The following EGFR variants were observed in gnomAD, a reference collection of about 807,000 sequenced individuals.
EGFR encodes the protein avian erythroblastic leukemia viral (v-erb-b) oncogene homolog.
Under a neutral mutation model 143.0 loss-of-function variants are expected in EGFR, and 58 were observed. The observed-to-expected ratio is 0.41, with a 90% CI of 0.33 to 0.50. The LOEUF (loss-of-function observed/expected upper bound fraction) is 0.50. EGFR is among the 20% of genes least tolerant of loss of function. The pLI, the probability that EGFR is intolerant of heterozygous loss-of-function variation, is 0.39. For synonymous variants in EGFR, 613 were observed against 594.4 expected (o/e 1.03, Z -0.45); for missense variants, 1,307 against 1,579.0 (o/e 0.83, Z 2.92).
chr7:55,031,171 C>G (rs1475346124), intron 1 of EGFR, among the ~76,000 whole-genome samples: 3 of 152,156 alleles, frequency 2.0e-5, no homozygotes, highest in African/African-American at 7.2e-5. Flanking sequence ...CTAGGTGCTG[C>G]AGGTTTAGAG....
intron 5 of EGFR, 118 bp from the exon 6 acceptor site, chr7:55,152,428 T>A: frequency 1.1e-6 from 1 of 939,420 alleles, no homozygotes; most frequent in South Asian, 1.3e-5. Context: ...TGTGGTTTCG[T>A]TGGAAGCAAA....
chr7:55,099,575 A>G (rs1402252295), intron 1 of EGFR, among the ~76,000 whole-genome samples: 1 of 152,194 alleles, frequency 6.6e-6, no homozygotes, highest in Non-Finnish European at 1.5e-5. Flanking sequence ...CAGCCTTGAG[A>G]GGTGCAGAAG....
At chr7:55,135,187 A>G (rs1027776408) in intron 1 of EGFR, among the ~76,000 whole-genome samples, 1 of 152,114 alleles carries the variant, frequency 6.6e-6, no homozygotes, top group Admixed American at 6.5e-5. Context: ...TTTAATGGCT[A>G]GAAGGAGAAT....
intron 1 of EGFR, among the ~76,000 whole-genome samples, chr7:55,081,225 A>T (rs1328231991): frequency 6.6e-6 from 1 of 152,206 alleles, no homozygotes; most frequent in Non-Finnish European, 1.5e-5. Flanking sequence ...TAACAGGGCA[A>T]TTATCAATCA....
intron 1 of EGFR, among the ~76,000 whole-genome samples, chr7:55,060,161 G>A (rs1052460320): frequency 6.6e-6 from 1 of 152,218 alleles, no homozygotes. Flanking sequence ...TGCATTTTCT[G>A]ACCTTTCCCA....
At chr7:55,175,786 C>T (rs1786567072) in intron 19 of EGFR, among the ~76,000 whole-genome samples, 1 of 152,196 alleles carries the variant, frequency 6.6e-6, no homozygotes. Flanking sequence ...GTAAAGAGAA[C>T]ATGGGCCTTT....
intron 1 of EGFR, among the ~76,000 whole-genome samples, chr7:55,104,756 G>T (rs925243767): frequency 6.6e-6 from 1 of 152,128 alleles, no homozygotes; most frequent in Non-Finnish European, 1.5e-5. Context: ...AACTCTGAGG[G>T]GCATTGACTC....
At chr7:55,171,147 A>T in intron 15 of EGFR, 28 bp from the exon 16 acceptor site, 1 of 1,613,994 alleles carries the variant, frequency 6.2e-7, no homozygotes, top group Non-Finnish European at 8.5e-7. Flanking sequence ...AATGAGAAAA[A>T]TGTATATTTC....
At chr7:55,072,607 T>C (rs1354940262) in intron 1 of EGFR, among the ~76,000 whole-genome samples, 1 of 152,242 alleles carries the variant, frequency 6.6e-6, no homozygotes, top group Non-Finnish European at 1.5e-5. Flanking sequence ...CAGTTTCATG[T>C]TGGCCCATTT....
chr7:55,075,909 T>C (rs894274100), intron 1 of EGFR, among the ~76,000 whole-genome samples: 1 of 152,190 alleles, frequency 6.6e-6, no homozygotes, highest in Non-Finnish European at 1.5e-5. Context: ...GGTGCAATAG[T>C]GGAACTCTGC....
chr7:55,026,214 G>C (rs1271662403), intron 1 of EGFR, among the ~76,000 whole-genome samples: 1 of 152,080 alleles, frequency 6.6e-6, no homozygotes, highest in Non-Finnish European at 1.5e-5. Flanking sequence ...TCTTGTCTTT[G>C]CTCTCAGACC....
chr7:55,190,680 G>A (rs545720012), intron 20 of EGFR, among the ~76,000 whole-genome samples: 19 of 152,180 alleles, frequency 1.2e-4, no homozygotes, highest in Non-Finnish European at 2.1e-4. Context: ...CATTTCTGTC[G>A]TGCCCACTCT....
At chr7:55,048,811 A>C (rs1788323108) in intron 1 of EGFR, among the ~76,000 whole-genome samples, 7 of 152,212 alleles carry the variant, frequency 4.6e-5, no homozygotes, top group Non-Finnish European at 1.5e-5. Flanking sequence ...TCAAATTTCA[A>C]CTGAGGAGTA....
chr7:55,189,876 A>G, intron 20 of EGFR, among the ~76,000 whole-genome samples: 1 of 152,192 alleles, frequency 6.6e-6, no homozygotes. Context: ...GAAGGTAGAC[A>G]CTCAGTTGAA....
intron 1 of EGFR, among the ~76,000 whole-genome samples, chr7:55,120,242 G>A (rs756426945): frequency 9.8e-5 from 15 of 152,294 alleles, no homozygotes; most frequent in Middle Eastern, 6.8e-3. Context: ...CAGTGTTGGG[G>A]GACGCCACCC....
chr7:55,067,809 C>T (rs984310211), intron 1 of EGFR, among the ~76,000 whole-genome samples: 55 of 151,130 alleles, frequency 3.6e-4, no homozygotes, highest in Non-Finnish European at 6.3e-4. Flanking sequence ...ATTGTGTGTG[C>T]GCGGATGTGC....
At chr7:55,143,621 C>T in intron 3 of EGFR, 133 bp downstream of exon 3, 1 of 980,038 alleles carries the variant, frequency 1.0e-6, no homozygotes, top group Non-Finnish European at 1.6e-6. Context: ...GCACTGAGTG[C>T]CGGCTGTGTG....
intron 27 of EGFR, among the ~76,000 whole-genome samples, chr7:55,204,164 CACAT>C (rs1411534187): frequency 1.3e-5 from 2 of 149,506 alleles, no homozygotes; most frequent in East Asian, 3.9e-4. Flanking sequence ...ACTACACACA[CACAT>C]ACACACAGAC....
chr7:55,079,584 G>GT (rs979585058), intron 1 of EGFR, among the ~76,000 whole-genome samples: 3 of 138,156 alleles, frequency 2.2e-5, no homozygotes, highest in South Asian at 2.5e-4. Flanking sequence ...ATTTTATGGC[G>GT]TTTTTTTGTT....
Sources: allele counts gnomAD v4.1 joint callset (sites outside exome capture counted in the v4.1 genomes callset), GRCh38; gene constraint gnomAD v4.1.1; transcripts MANE v1.5; gene names NCBI Gene and HGNC (gene_info 2026-07-23, HGNC 2026-07-21).